Variants in SPTB observed in about 807,000 individuals in gnomAD.
SPTB encodes spectrin beta, erythrocytic.
SPTB carries 45 observed loss-of-function variants against 256.2 expected under a neutral mutation model. That is an observed-to-expected ratio of 0.18 (90% CI 0.14 to 0.23). SPTB has a LOEUF of 0.23. Ranked by LOEUF, SPTB falls within the 10% of genes least tolerant of loss-of-function variation. The pLI, the probability that SPTB is intolerant of heterozygous loss-of-function variation, is 1.00. For synonymous variants in SPTB, 1,231 were observed against 1,243.1 expected, an observed-to-expected ratio of 0.99 and a Z score of 0.21; for missense variants, 2,715 against 3,040.4, an observed-to-expected ratio of 0.89 and a Z score of 2.52.
In SPTB at chr14:64,823,135, T is replaced by C. The variant is rs551164613; in HGVS notation, c.-41A>G. The C allele has an allele frequency of 1.2e-6, 2 of 1,613,540 alleles. No individual in the cohort carries two copies. Among genetic ancestry groups the C allele is most frequent in the Non-Finnish European group, 8.5e-7 (1 of 1,179,540 alleles). The stretch of plus-strand genomic sequence containing the variant: ...GCAGCTCCGCCTGCCTCAGTCTTCA[T>C]GGAAGGATCCCTGGGGGACAGCAAC... On this transcript the variant is annotated 5_prime_UTR_variant, in exon 2 of 36. It removes an upstream start codon present in the reference 5' UTR. Transcript: ENST00000644917. The surrounding 1 kb of genome is among the most constrained non-coding windows in gnomAD (Gnocchi z 6.5).
intron 2 of SPTB, among the ~76,000 whole-genome samples, chr14:64,820,622 G>A (rs983337767): frequency 6.6e-6 from 1 of 152,202 alleles, no homozygotes; most frequent in Non-Finnish European, 1.5e-5. Flanking sequence ...TGGTGAGGAG[G>A]AGGCTCAACT....
chr14:64,815,014 G>A (rs1235743129), intron 2 of SPTB, among the ~76,000 whole-genome samples: 1 of 137,464 alleles, frequency 7.3e-6, no homozygotes, highest in African/African-American at 3.0e-5. Context: ...CTGGCAAGGT[G>A]TGTATGTGTG....
chr14:64,793,821 G>C lies in SPTB; in HGVS notation c.1842C>G (p.His614Gln). The change falls in exon 14 of 36, where the codon CAC becomes CAG. Residue 614 changes from histidine to glutamine, a missense_variant. His to Gln is a conservative substitution (Grantham distance 24). Transcript: ENST00000644917. The surrounding 1 kb of genome is among the most constrained non-coding windows in gnomAD (Gnocchi z 7.0). ...DPQVIQDRIS[H>Q]LEQCFEELSN... is the part of the protein sequence containing the mutation. ...TCAGCTCCTCAAAGCACTGCTCCAA[G>C]TGGCTGATGCGGTCCTGGATGACCT... is the stretch of plus-strand genomic sequence containing the variant. 6.2e-7 allele frequency: 1 copy of C among 1,611,546 alleles called. No individual in the cohort carries two copies. Among genetic ancestry groups the C allele is most frequent in the Non-Finnish European group, 8.5e-7 (1 of 1,179,866 alleles).
At chr14:64,821,769 AC>A (rs933982478) in intron 2 of SPTB, among the ~76,000 whole-genome samples, 10 of 152,090 alleles carry the variant, frequency 6.6e-5, no homozygotes, top group Non-Finnish European at 1.3e-4. Context: ...AATGACTGAG[AC>A]CCAAGTGGAT....
Position 64,749,245 on chromosome 14 carries a change from A to G in SPTB, c.*61T>C. On this transcript the variant is annotated 3_prime_UTR_variant, in exon 36 of 36. Transcript: ENST00000644917. This position sits in a 1 kb window ranked among gnomAD's most constrained non-coding sequence, Gnocchi z 4.7. ...CGGCGGGCGGCGGCGAGAGGAGGCC[A>G]AGGCCTGGGCTGCCCGGTCTCTGCG... The G allele has an allele frequency of 1.3e-6, 2 of 1,530,604 alleles. No individual in the cohort carries two copies. The allele number at this position is 1,530,604 out of a possible 1,614,324, so 94.8% of individuals were successfully genotyped here.
chr14:64,812,793 T>C (rs1355627714), intron 2 of SPTB, among the ~76,000 whole-genome samples: 3 of 152,158 alleles, frequency 2.0e-5, no homozygotes, highest in Non-Finnish European at 2.9e-5. Flanking sequence ...TTGAAGTATC[T>C]TATCTTTGGA....
chr14:64,816,842 G>A lies in SPTB; in HGVS notation c.148+6105C>T, dbSNP rs574540161. ...GCATGTGGGGGACACATGGGGCAGG[G>A]AGAATGGGTGCTGGCTTTTCCTGAG... On this transcript the variant is annotated intron_variant, in intron 2 of 35. Coordinates refer to ENST00000644917, the MANE Select transcript of SPTB (RefSeq NM_001355436.2). The surrounding 1 kb of genome is among the most constrained non-coding windows in gnomAD (Gnocchi z 4.2). 1.1e-4 allele frequency among the ~76,000 whole-genome samples: 16 copies of A among 149,260 alleles called. No homozygotes were observed. In the East Asian group the frequency reaches 3.2e-3, roughly 30 times the overall value.
In SPTB at chr14:64,747,606, G is replaced by C; in HGVS notation, c.*1700C>G. ...GGGCCACAGGGTGGAACTGATTTCTGCCGGCACTGGTCAGCACTCAGGGTT... is the reference window on the plus strand; with the variant it reads ...GGGCCACAGGGTGGAACTGATTTCTCCCGGCACTGGTCAGCACTCAGGGTT... On this transcript the variant is annotated 3_prime_UTR_variant, in exon 36 of 36. Transcript: ENST00000644917. 1 of 152,290 alleles carries C rather than the reference G, an allele frequency of 6.6e-6. No homozygotes were observed. Among genetic ancestry groups the C allele is most frequent in the Non-Finnish European group, 1.5e-5 (1 of 68,030 alleles). 9.4% of individuals were successfully genotyped at this position (152,290 alleles called of 1,614,324 possible). A position where few individuals can be genotyped will look rare whatever the true frequency, so the allele number is the denominator to read the frequency against.
intron 2 of SPTB, among the ~76,000 whole-genome samples, chr14:64,817,400 T>C (rs2083211448): frequency 6.6e-6 from 1 of 152,252 alleles, no homozygotes. Flanking sequence ...ATTTTCCCAA[T>C]ATGTAGTCTC....
chr14:64,757,507 G>C (rs2082031759), intron 32 of SPTB: 1 of 152,272 alleles, frequency 6.6e-6, no homozygotes, highest in Non-Finnish European at 1.5e-5. Flanking sequence ...TGTATGCAAA[G>C]ATTTCTTTGG....
In SPTB at chr14:64,782,392, A is replaced by T. The variant is rs2082487225; in HGVS notation, c.4164T>A (p.His1388Gln). ...ARSSDLRLQT[H>Q]ADLNKWISAM... ...CGCTGATCCACTTGTTGAGGTCAGC[A>T]TGGGTCTGCAAGCGCAGGTCGGAGC... The change falls in exon 20 of 36, where the codon CAT (histidine) becomes CAA (glutamine). Residue 1388 changes from histidine to glutamine, a missense_variant. Around this residue, in one of 4 missense-constraint regions of SPTB, gnomAD observed 2,239 missense variants for 2,384.4 expected, o/e 0.94. Transcript: ENST00000644917. 2 of 1,614,010 alleles carry T rather than the reference A, an allele frequency of 1.2e-6. No homozygotes were observed. Among genetic ancestry groups the T allele is most frequent in the African/African-American group, 2.7e-5 (2 of 74,912 alleles).
intron 33 of SPTB, among the ~76,000 whole-genome samples, chr14:64,751,082 AT>A (rs2081942845): frequency 8.4e-6 from 1 of 119,690 alleles, no homozygotes; most frequent in African/African-American, 2.9e-5. Context: ...AGTATATAAC[AT>A]TTATATATTA....
chr14:64,762,368 G>T (rs1414931887), intron 32 of SPTB, among the ~76,000 whole-genome samples: 1 of 152,220 alleles, frequency 6.6e-6, no homozygotes, highest in African/African-American at 2.4e-5. Flanking sequence ...ATCCAAGGAC[G>T]TCAGAGCCCC....
chr14:64,781,644 G>A (rs1401155946), intron 20 of SPTB, among the ~76,000 whole-genome samples: 4 of 152,214 alleles, frequency 2.6e-5, no homozygotes, highest in Admixed American at 1.3e-4. Context: ...AACCATTGTT[G>A]AAAGTGGTAT....
intron 32 of SPTB, 80 bp from the exon 33 acceptor site, chr14:64,753,873 C>T: frequency 6.4e-7 from 1 of 1,573,180 alleles, no homozygotes; most frequent in South Asian, 1.1e-5. Flanking sequence ...ATTGGGAGGT[C>T]AGCAGCCACC....
intron 33 of SPTB, among the ~76,000 whole-genome samples, chr14:64,751,690 CTG>C (rs2081951880): frequency 6.6e-6 from 1 of 152,058 alleles, no homozygotes; most frequent in Admixed American, 6.6e-5. Context: ...CACTAAAGAA[CTG>C]TGAAGGAATG....
At position 64,764,144 on chromosome 14, in the gene SPTB, G is replaced by A. The variant is rs529229803; in HGVS notation, c.6345+2582C>T. On this transcript the variant is annotated intron_variant, in intron 32 of 35. Coordinates refer to ENST00000644917, the MANE Select transcript of SPTB (RefSeq NM_001355436.2). This position sits in a 1 kb window ranked among gnomAD's most constrained non-coding sequence, Gnocchi z 4.2. ...CCCAGGACTATCCCCAAGGGGAGGCGCAGCCATTGGCCATCCCTTCCTGGG... is the reference window on the plus strand; with the variant it reads ...CCCAGGACTATCCCCAAGGGGAGGCACAGCCATTGGCCATCCCTTCCTGGG... 7.2e-5 allele frequency among the ~76,000 whole-genome samples: 11 copies of A among 152,360 alleles called. No homozygotes were observed. Among genetic ancestry groups the A allele is most frequent in the South Asian group, 4.1e-4 (2 of 4,834 alleles).
At chr14:64,800,943 A>G in intron 7 of SPTB, 75 bp from the exon 8 acceptor site, 1 of 1,152,624 alleles carries the variant, frequency 8.7e-7, no homozygotes, top group Non-Finnish European at 1.3e-6. Flanking sequence ...TTTATTCCCC[A>G]TTCCTCCAGC....
Position 64,873,912 on chromosome 14 carries a change from G to A in SPTB, c.-52+5880C>T, listed in dbSNP as rs1347151266. 6.6e-6 allele frequency among the ~76,000 whole-genome samples: 1 copy of A among 152,216 alleles called. No homozygotes were observed. Among genetic ancestry groups the A allele is most frequent in the African/African-American group, 2.4e-5 (1 of 41,454 alleles). Reference sequence around the variant, plus strand: ...ACATGCTCATCATAAGATAAAATAAGATGATGTGTAGACAAAGGCATGCTG... The same window carrying A: ...ACATGCTCATCATAAGATAAAATAAAATGATGTGTAGACAAAGGCATGCTG... On this transcript the variant is annotated intron_variant, in intron 1 of 35. Coordinates refer to ENST00000644917, the MANE Select transcript of SPTB (RefSeq NM_001355436.2). The surrounding 1 kb of genome is among the most constrained non-coding windows in gnomAD (Gnocchi z 4.3).
Sources: allele counts gnomAD v4.1 joint callset (sites outside exome capture counted in the v4.1 genomes callset), GRCh38; gene constraint gnomAD v4.1.1; regional missense constraint gnomAD v4.1.1; non-coding constraint Gnocchi (gnomAD v3.1); transcripts MANE v1.5; gene names NCBI Gene and HGNC (gene_info 2026-07-23, HGNC 2026-07-21).